Variants in SLC35F3 observed in about 807,000 individuals in gnomAD.
SLC35F3 encodes putative thiamine transporter SLC35F3.
SLC35F3 carries 25 observed loss-of-function variants against 49.9 expected under a neutral mutation model. That is an observed-to-expected ratio of 0.50 (90% confidence interval 0.37 to 0.70). SLC35F3 has a LOEUF of 0.70. SLC35F3 is among the 30% of genes least tolerant of loss of function. The probability of loss-of-function intolerance (pLI) is 0.00; values close to 1 mark genes in which losing one functional copy is unlikely to be tolerated. For synonymous variants in SLC35F3, 275 were observed against 265.4 expected (o/e 1.04, Z -0.35); for missense variants, 525 against 639.8 (o/e 0.82, Z 1.94).
chr1:234,030,850 T>C (rs1309000549), intron 2 of SLC35F3, among the ~76,000 whole-genome samples: 2 of 152,230 alleles, frequency 1.3e-5, no homozygotes, highest in African/African-American at 2.4e-5. Flanking sequence ...AAGATGATTC[T>C]AACAGTTACT....
intron 2 of SLC35F3, among the ~76,000 whole-genome samples, chr1:234,047,946 G>A (rs187642539): frequency 3.9e-5 from 6 of 152,212 alleles, no homozygotes; most frequent in Non-Finnish European, 4.4e-5. Context: ...CAGAATGTTG[G>A]TATAGGTATG....
In SLC35F3 at chr1:234,219,293, TG is replaced by T. The variant is rs1456792572; in HGVS notation, c.284-12123del. Reference sequence around the variant, plus strand: ...ATTAATAGTATATAAAGACCCAGGATGCTGGCCCAGTCCAAGAGGATTCTTG... The same window carrying T: ...ATTAATAGTATATAAAGACCCAGGATCTGGCCCAGTCCAAGAGGATTCTTG... On this transcript the variant is annotated intron_variant, in intron 2 of 7. Coordinates refer to ENST00000366618, the MANE Select transcript of SLC35F3 (RefSeq NM_173508.4). Among the ~76,000 whole-genome samples the T allele has an allele frequency of 4.6e-5, 7 of 152,292 alleles. No individual in the cohort carries two copies. The South Asian group carries it at 1.2e-3, about 27-fold the overall frequency.
At chr1:234,058,762 G>A (rs953705259) in intron 2 of SLC35F3, among the ~76,000 whole-genome samples, 5 of 152,036 alleles carry the variant, frequency 3.3e-5, no homozygotes, top group Non-Finnish European at 7.4e-5. Flanking sequence ...AGGTAATGCC[G>A]CCCTCATAGA....
In SLC35F3 at chr1:234,309,335, A is replaced by G; in HGVS notation, c.828+15A>G. ...TGGGAGTGAGGGTAAGTTCCTTATT[A>G]TCTGTCTTCCTCCCTCACTCAGTCA... is the stretch of plus-strand genomic sequence containing the variant. On this transcript the variant is annotated intron_variant, in intron 4 of 7. Coordinates refer to ENST00000366618, the MANE Select transcript of SLC35F3 (RefSeq NM_173508.4). The G allele has an allele frequency of 5.6e-6, 9 of 1,611,398 alleles. No individual in the cohort carries two copies. Among genetic ancestry groups the G allele is most frequent in the Non-Finnish European group, 6.8e-6 (8 of 1,177,832 alleles).
chr1:233,912,375 G>A (rs1329476205), intron 2 of SLC35F3, among the ~76,000 whole-genome samples: 3 of 152,188 alleles, frequency 2.0e-5, no homozygotes, highest in East Asian at 1.9e-4. Context: ...CTTCTCGGGA[G>A]GCTGAGGCAG....
chr1:233,974,829 A>G lies in SLC35F3; in HGVS notation c.283+69071A>G, dbSNP rs141006480. On this transcript the variant is annotated intron_variant, in intron 2 of 7. Transcript: ENST00000366618. ...AGGGATTTGGACATTTACTATGCACAAGAGATGTAGACCTTGATTATTCTG... is the reference window on the plus strand; with the variant it reads ...AGGGATTTGGACATTTACTATGCACGAGAGATGTAGACCTTGATTATTCTG... Among the ~76,000 whole-genome samples, 1,043 of 152,366 alleles carry G rather than the reference A, an allele frequency of 6.8e-3. 10 individuals are homozygous for G. The highest frequency in any genetic ancestry group is 0.024 in the African/African-American group (1,001 of 41,592).
intron 2 of SLC35F3, among the ~76,000 whole-genome samples, chr1:234,228,739 A>ATG (rs1173200900): frequency 1.3e-5 from 2 of 151,950 alleles, no homozygotes; most frequent in Admixed American, 6.6e-5. Context: ...GGGTGTGTGT[A>ATG]TGTGTGTGTG....
intron 2 of SLC35F3, among the ~76,000 whole-genome samples, chr1:233,945,418 G>C (rs1662498092): frequency 6.6e-6 from 1 of 152,138 alleles, no homozygotes; most frequent in African/African-American, 2.4e-5. Flanking sequence ...GCAATAAGCT[G>C]CAAGTACAAA....
At chr1:234,196,935 C>T (rs1181996163) in intron 2 of SLC35F3, among the ~76,000 whole-genome samples, 1 of 151,970 alleles carries the variant, frequency 6.6e-6, no homozygotes, top group Non-Finnish European at 1.5e-5. Flanking sequence ...TAGCAAGACT[C>T]CATATTGGGA....
rs1349109765 is a variant in SLC35F3 at position 234,231,118 on chromosome 1, G to A, written c.284-299G>A. Among the ~76,000 whole-genome samples the A allele has an allele frequency of 6.6e-6, 1 of 152,202 alleles. No individual in the cohort carries two copies. The highest frequency in any genetic ancestry group is 1.5e-5 in the Non-Finnish European group (1 of 68,032). ...TGCAGGTTCTGATTTTGGAGTCTGG[G>A]GTGAGCCCTGAGATTCTGCATTTCC... is the stretch of plus-strand genomic sequence containing the variant. On this transcript the variant is annotated intron_variant, in intron 2 of 7. Transcript: ENST00000366618. The surrounding 1 kb of genome is among the most constrained non-coding windows in gnomAD (Gnocchi z 5.4).
chr1:234,218,833 G>T (rs977166106), intron 2 of SLC35F3, among the ~76,000 whole-genome samples: 1 of 152,054 alleles, frequency 6.6e-6, no homozygotes, highest in Non-Finnish European at 1.5e-5. Context: ...GGTGGATCAT[G>T]AGGTCAAGAG....
intron 2 of SLC35F3, among the ~76,000 whole-genome samples, chr1:234,126,477 A>ATGTGTGTGTGTG (rs111609229): frequency 9.9e-5 from 15 of 151,052 alleles, no homozygotes; most frequent in Non-Finnish European, 2.2e-4. Flanking sequence ...CCTGTTTTAC[A>ATGTGTGTGTGTG]TGTGTGTGTG....
chr1:234,151,258 G>GAAAA (rs35828730), intron 2 of SLC35F3, among the ~76,000 whole-genome samples: 5 of 146,056 alleles, frequency 3.4e-5, no homozygotes, highest in African/African-American at 7.5e-5. Flanking sequence ...TAAACTATCA[G>GAAAA]AAAAAAAAAA....
intron 2 of SLC35F3, among the ~76,000 whole-genome samples, chr1:233,922,551 T>C (rs1463560209): frequency 6.6e-6 from 1 of 151,210 alleles, no homozygotes; most frequent in South Asian, 2.1e-4. Flanking sequence ...ATATTAGCCC[T>C]TTGTCAGATG....
intron 5 of SLC35F3, among the ~76,000 whole-genome samples, chr1:234,318,384 T>C (rs1458564541): frequency 6.6e-6 from 1 of 152,174 alleles, no homozygotes; most frequent in African/African-American, 2.4e-5. Flanking sequence ...GGAGCAGTGG[T>C]GTTCAACCTG....
chr1:234,059,547 A>T (rs527992568), intron 2 of SLC35F3, among the ~76,000 whole-genome samples: 1 of 152,244 alleles, frequency 6.6e-6, no homozygotes, highest in South Asian at 2.1e-4. Context: ...GTTCTCTTAG[A>T]GGGACAGAAC....
intron 4 of SLC35F3, among the ~76,000 whole-genome samples, chr1:234,316,106 G>A (rs979310449): frequency 1.3e-5 from 2 of 152,184 alleles, no homozygotes; most frequent in Admixed American, 6.5e-5. Context: ...CCCCACTGCT[G>A]GGGTAGAAAA....
chr1:234,275,551 G>T (rs1668190719), intron 3 of SLC35F3, among the ~76,000 whole-genome samples: 1 of 151,894 alleles, frequency 6.6e-6, no homozygotes. Context: ...AGATAGGTGG[G>T]TGGGTTGGCT....
At chr1:234,106,779 G>T (rs558380654) in intron 2 of SLC35F3, among the ~76,000 whole-genome samples, 1 of 152,150 alleles carries the variant, frequency 6.6e-6, no homozygotes, top group Non-Finnish European at 1.5e-5. Context: ...GTCATTTGAA[G>T]ATACAATGTA....
Sources: allele counts gnomAD v4.1 joint callset (sites outside exome capture counted in the v4.1 genomes callset), GRCh38; gene constraint gnomAD v4.1.1; non-coding constraint Gnocchi (gnomAD v3.1); transcripts MANE v1.5; gene names NCBI Gene and HGNC (gene_info 2026-07-23, HGNC 2026-07-21).